ADAMTS18: variants seen among roughly 807,000 people sequenced by gnomAD.
ADAMTS18 encodes ADAM metallopeptidase with thrombospondin type 1 motif 18, also known as A disintegrin and metalloproteinase with thrombospondin motifs 18.
In ADAMTS18, 157 loss-of-function variants were observed where a neutral mutation model predicts 165.9. That is an observed-to-expected ratio of 0.95 (90% CI 0.83 to 1.08). The LOEUF (loss-of-function observed/expected upper bound fraction) is 1.08, where lower values mean the gene tolerates loss of function less well. ADAMTS18 is among the 50% of genes least tolerant of loss of function. ADAMTS18 has a pLI of 0.00. For synonymous variants in ADAMTS18, 782 were observed against 578.2 expected, an observed-to-expected ratio of 1.35 and a Z score of -5.06; for missense variants, 2,040 against 1,534.0, an observed-to-expected ratio of 1.33 and a Z score of -5.51.
At chr16:77,387,317 G>C (rs192519906) in intron 3 of ADAMTS18, among the ~76,000 whole-genome samples, 1 of 152,266 alleles carries the variant, frequency 6.6e-6, no homozygotes, top group African/African-American at 2.4e-5. Flanking sequence ...GGATAGTCAT[G>C]GGTCATGGAT....
chr16:77,366,847 C>T (rs1291538276), intron 4 of ADAMTS18, among the ~76,000 whole-genome samples: 1 of 152,096 alleles, frequency 6.6e-6, no homozygotes, highest in African/African-American at 2.4e-5. Flanking sequence ...ATATTTTGTA[C>T]ATGTTGGGTT....
Position 77,335,827 on chromosome 16 carries a change from C to T in ADAMTS18, c.1788G>A (p.Ser596=), listed in dbSNP as rs754376684. Residue 596 remains serine (S), a synonymous_variant, in exon 12 of 23, where the codon TCG becomes TCA. Transcript: ENST00000282849. ...RPIHGQWSAW[S]KWSECSRTCG... Reference sequence around the variant, plus strand: ...ATGTCCGGGAACATTCTGACCACTTCGACCAGGCGGACCACTGGCCGTGGA... The same window carrying T: ...ATGTCCGGGAACATTCTGACCACTTTGACCAGGCGGACCACTGGCCGTGGA... 1.8e-5 allele frequency: 29 copies of T among 1,614,208 alleles called. No homozygotes were observed. The highest frequency in any genetic ancestry group is 3.3e-5 in the South Asian group (3 of 91,086).
intron 3 of ADAMTS18, among the ~76,000 whole-genome samples, chr16:77,422,597 A>G (rs2057617821): frequency 6.6e-6 from 1 of 151,636 alleles, no homozygotes; most frequent in South Asian, 2.1e-4. Flanking sequence ...GGGAGGAAGG[A>G]AAAGAAGAAA....
chr16:77,336,014 G>A (rs1270605072), intron 11 of ADAMTS18, 110 bp from the exon 12 acceptor site: 1 of 1,275,830 alleles, frequency 7.8e-7, no homozygotes, highest in East Asian at 2.3e-5. Flanking sequence ...GGGAGAAAAG[G>A]AAAATGCCTG....
chr16:77,300,429 G>C (rs543841587), intron 16 of ADAMTS18, 25 bp from the exon 17 acceptor site: 3 of 1,613,712 alleles, frequency 1.9e-6, no homozygotes, highest in East Asian at 2.2e-5. Context: ...ATAAAAATCA[G>C]AGATCAAGAT....
At chr16:77,293,032 G>A (rs755189245) in intron 20 of ADAMTS18, 44 bp downstream of exon 20, 1 of 1,611,416 alleles carries the variant, frequency 6.2e-7, no homozygotes, top group African/African-American at 1.3e-5. Context: ...TGTTAGCCAG[G>A]ATGGTCTCAA....
At chr16:77,355,283 C>T (rs1210446169) in intron 9 of ADAMTS18, among the ~76,000 whole-genome samples, 1 of 150,758 alleles carries the variant, frequency 6.6e-6, no homozygotes, top group Non-Finnish European at 1.5e-5. Flanking sequence ...GTACAACTTT[C>T]CAAACTCCTA....
At chr16:77,318,062 A>G (rs921066807) in intron 16 of ADAMTS18, among the ~76,000 whole-genome samples, 2 of 152,222 alleles carry the variant, frequency 1.3e-5, no homozygotes, top group African/African-American at 2.4e-5. Context: ...ATTAACATAT[A>G]TAAGATAGAG....
At chr16:77,399,561 T>C (rs2057300086) in intron 3 of ADAMTS18, among the ~76,000 whole-genome samples, 1 of 152,236 alleles carries the variant, frequency 6.6e-6, no homozygotes, top group Admixed American at 6.5e-5. Flanking sequence ...TACTACTTGC[T>C]AGTATTAGGG....
intron 21 of ADAMTS18, chr16:77,290,794 C>T (rs1192490026): frequency 5.8e-6 from 1 of 172,432 alleles, no homozygotes; most frequent in East Asian, 1.5e-4. Context: ...ACATTCTGAG[C>T]TTTAGGGACC....
intron 11 of ADAMTS18, among the ~76,000 whole-genome samples, chr16:77,340,176 A>T (rs549280995): frequency 8.1e-4 from 124 of 152,208 alleles, no homozygotes; most frequent in African/African-American, 2.9e-3. Flanking sequence ...GTAAATTTTT[A>T]TATTTTTAAT....
At chr16:77,298,896 C>T (rs1180147908) in intron 17 of ADAMTS18, among the ~76,000 whole-genome samples, 1 of 152,214 alleles carries the variant, frequency 6.6e-6, no homozygotes, top group Non-Finnish European at 1.5e-5. Flanking sequence ...ACAGGACACA[C>T]CAGGGTCTGT....
chr16:77,408,588 C>T (rs1347397773), intron 3 of ADAMTS18, among the ~76,000 whole-genome samples: 1 of 152,028 alleles, frequency 6.6e-6, no homozygotes, highest in Non-Finnish European at 1.5e-5. Context: ...AAAAGAAACT[C>T]GACAAATTAG....
At chr16:77,308,927 T>G (rs997816200) in intron 16 of ADAMTS18, among the ~76,000 whole-genome samples, 1 of 152,166 alleles carries the variant, frequency 6.6e-6, no homozygotes, top group Non-Finnish European at 1.5e-5. Flanking sequence ...ATTTAGTTTT[T>G]CTCAGTATTC....
intron 3 of ADAMTS18, among the ~76,000 whole-genome samples, chr16:77,425,674 C>G (rs2057662125): frequency 6.6e-6 from 1 of 152,166 alleles, no homozygotes; most frequent in African/African-American, 2.4e-5. Flanking sequence ...CAAATAATCT[C>G]AGACTTAGGA....
chr16:77,298,567 G>A (rs1159636049), intron 17 of ADAMTS18, among the ~76,000 whole-genome samples: 3 of 152,026 alleles, frequency 2.0e-5, no homozygotes, highest in Non-Finnish European at 2.9e-5. Context: ...CAAGGAAGGC[G>A]GACTGCTTGA....
chr16:77,307,910 A>G (rs531953696), intron 16 of ADAMTS18, among the ~76,000 whole-genome samples: 27 of 152,250 alleles, frequency 1.8e-4, no homozygotes, highest in African/African-American at 5.8e-4. Flanking sequence ...CTGTCATCTC[A>G]TTGATCAATG....
chr16:77,390,418 G>A (rs906962327), intron 3 of ADAMTS18, among the ~76,000 whole-genome samples: 1 of 152,040 alleles, frequency 6.6e-6, no homozygotes, highest in Non-Finnish European at 1.5e-5. Context: ...CTTGCCAGGT[G>A]CGATGGCTCA....
In ADAMTS18 at chr16:77,335,943, C is replaced by A; in HGVS notation, c.1711-39G>T. On this transcript the variant is annotated intron_variant, in intron 11 of 22. Transcript: ENST00000282849. ...GTGTAAGATGGTTCCCGTCAGAGAC[C>A]ACCTGGGAAAGCGCAGGGAGTTGCC... 6 of 1,613,734 alleles carry A rather than the reference C, an allele frequency of 3.7e-6. No individual in the cohort carries two copies. In the Middle Eastern group the frequency reaches 6.6e-4, roughly 178 times the overall value.
Sources: allele counts gnomAD v4.1 joint callset (sites outside exome capture counted in the v4.1 genomes callset), GRCh38; gene constraint gnomAD v4.1.1; transcripts MANE v1.5; gene names NCBI Gene and HGNC (gene_info 2026-07-23, HGNC 2026-07-21).